Variants in SULF2 observed in about 807,000 individuals in gnomAD.
SULF2 encodes extracellular sulfatase Sulf-2.
A neutral mutation model predicts 107.7 loss-of-function variants in SULF2; 52 were observed. The ratio of observed to expected loss-of-function variants is 0.48; its 90% CI spans 0.39 to 0.61. The LOEUF (loss-of-function observed/expected upper bound fraction) is 0.61. Among genes scored for constraint, SULF2 ranks in the 20% least tolerant of loss-of-function variants. The pLI, the probability that SULF2 is intolerant of heterozygous loss-of-function variation, is 0.00. For missense variants in SULF2, 993 were observed against 1,177.3 expected (o/e 0.84, Z 2.29); for synonymous variants, 460 against 464.3 (o/e 0.99, Z 0.12).
intron 2 of SULF2, among the ~76,000 whole-genome samples, chr20:47,750,906 C>G (rs2090145094): frequency 2.6e-5 from 4 of 152,228 alleles, no homozygotes; most frequent in African/African-American, 9.6e-5. Flanking sequence ...TCCTTACCTT[C>G]TTTGCTCAGA....
intron 7 of SULF2, among the ~76,000 whole-genome samples, chr20:47,679,098 C>T (rs1568804648): frequency 6.6e-6 from 1 of 150,812 alleles, no homozygotes; most frequent in Non-Finnish European, 1.5e-5. Context: ...TGAGTGAAGG[C>T]GACCCCCCCT....
chr20:47,760,412 C>A (rs1342098519), intron 1 of SULF2, among the ~76,000 whole-genome samples: 1 of 152,112 alleles, frequency 6.6e-6, no homozygotes, highest in Non-Finnish European at 1.5e-5. Context: ...CAGCTCCTGC[C>A]TGGGGCCCCT....
At position 47,690,303 on chromosome 20, in the gene SULF2, G is replaced by T. The variant is rs755220853; in HGVS notation, c.568-8C>A. 35 of 1,459,440 alleles carry T rather than the reference G, an allele frequency of 2.4e-5. No individual in the cohort carries two copies. The highest frequency in any genetic ancestry group is 3.0e-5 in the South Asian group (2 of 66,574). The allele number at this position is 1,459,440 out of a possible 1,614,324, so 90.4% of individuals were successfully genotyped here. On this transcript the variant is annotated splice_polypyrimidine_tract_variant and splice_region_variant and intron_variant, in intron 4 of 20. Transcript: ENST00000688720. ...GAGGTCTGTGAGGTAATCCTGGGGG[G>T]TGGGGAGAGACAGGAGAACAGGTGA...
chr20:47,735,896 C>G (rs1332582460), intron 3 of SULF2, among the ~76,000 whole-genome samples: 1 of 152,218 alleles, frequency 6.6e-6, no homozygotes, highest in Non-Finnish European at 1.5e-5. Flanking sequence ...CCCACCCAAA[C>G]AAACCCCTTG....
At chr20:47,725,983 C>G (rs1355976438) in intron 3 of SULF2, among the ~76,000 whole-genome samples, 1 of 152,126 alleles carries the variant, frequency 6.6e-6, no homozygotes, top group Non-Finnish European at 1.5e-5. Context: ...GTCCTGAGAC[C>G]CTGACCCGAG....
chr20:47,727,102 G>A (rs1197975388), intron 3 of SULF2, among the ~76,000 whole-genome samples: 4 of 152,060 alleles, frequency 2.6e-5, no homozygotes, highest in African/African-American at 7.3e-5. Context: ...CAGCCGTCAC[G>A]AGATGAATGT....
chr20:47,682,933 G>T, intron 7 of SULF2, 61 bp downstream of exon 7: 1 of 1,491,366 alleles, frequency 6.7e-7, no homozygotes, highest in Non-Finnish European at 9.0e-7. Context: ...TGGGCTGCAT[G>T]GTTGAAGCCC....
At chr20:47,733,130 G>GATAGCTCAA (rs2089653045) in intron 3 of SULF2, among the ~76,000 whole-genome samples, 1 of 152,192 alleles carries the variant, frequency 6.6e-6, no homozygotes, top group South Asian at 2.1e-4. Flanking sequence ...GACGCTGGAA[G>GATAGCTCAA]ATAGCTCAAA....
chr20:47,768,853 C>T (rs1393430886), intron 1 of SULF2, among the ~76,000 whole-genome samples: 1 of 150,850 alleles, frequency 6.6e-6, no homozygotes, highest in Non-Finnish European at 1.5e-5. Context: ...TCTATTTACT[C>T]TCTGGCCTGA....
rs1346799956 is a variant in SULF2 at position 47,664,156 on chromosome 20, G to A, written c.2031C>T (p.His677=). 6.2e-7 allele frequency: 1 copy of A among 1,613,480 alleles called. No homozygotes were observed. The highest frequency in any genetic ancestry group is 8.5e-7 in the Non-Finnish European group (1 of 1,179,846). The stretch of plus-strand genomic sequence containing the variant: ...TGAAAGGATGCAGACTGGAGCCTCT[G>A]TGCTTGAGGCGGCCTTTGTGCTGGG... ...YHTQHKGRLK[H]RGSSLHPFRK... The change falls in exon 15 of 21, where the codon CAC becomes CAT. Residue 677 remains histidine (H), a synonymous_variant. Transcript: ENST00000688720.
intron 4 of SULF2, among the ~76,000 whole-genome samples, chr20:47,701,119 T>C (rs1391684215): frequency 6.6e-6 from 1 of 152,184 alleles, no homozygotes; most frequent in Non-Finnish European, 1.5e-5. Context: ...GTTGAATGAA[T>C]AAATAATACA....
chr20:47,705,542 G>C (rs946009945), intron 3 of SULF2, among the ~76,000 whole-genome samples: 28 of 152,164 alleles, frequency 1.8e-4, no homozygotes, highest in African/African-American at 6.8e-4. Context: ...TGGAATGTTG[G>C]AGATGCCTCA....
chr20:47,774,319 C>A (rs1218103775), intron 1 of SULF2, among the ~76,000 whole-genome samples: 3 of 152,248 alleles, frequency 2.0e-5, no homozygotes, highest in African/African-American at 4.8e-5. Context: ...GCTGCGGGGA[C>A]TCACTGGGTG....
chr20:47,665,970 A>G lies in SULF2; in HGVS notation c.1806-17T>C, dbSNP rs745364122. ...ATGTAGCACCTGCTTGAGAGAAGGG[A>G]TCACGTGTGGCTCGGAGGTGGTGGA... On this transcript the variant is annotated splice_polypyrimidine_tract_variant and intron_variant, in intron 12 of 20. Transcript: ENST00000688720. 6.2e-7 allele frequency: 1 copy of G among 1,612,502 alleles called. No individual in the cohort carries two copies. Among genetic ancestry groups the G allele is most frequent in the Non-Finnish European group, 8.5e-7 (1 of 1,178,590 alleles).
intron 3 of SULF2, among the ~76,000 whole-genome samples, chr20:47,728,844 C>T (rs1472262572): frequency 6.6e-6 from 1 of 152,186 alleles, no homozygotes; most frequent in East Asian, 1.9e-4. Context: ...TGGGGTTTCA[C>T]CATGTTGGCT....
intron 3 of SULF2, among the ~76,000 whole-genome samples, chr20:47,713,610 C>T (rs561230211): frequency 4.0e-5 from 6 of 151,840 alleles, no homozygotes; most frequent in Middle Eastern, 3.4e-3. Context: ...AAGGGCCAGG[C>T]GTGGTGGCTC....
In SULF2 at chr20:47,659,384, G is replaced by A; in HGVS notation, c.2582+15C>T. 6.2e-7 allele frequency: 1 copy of A among 1,613,276 alleles called. No homozygotes were observed. Among genetic ancestry groups the A allele is most frequent in the Non-Finnish European group, 8.5e-7 (1 of 1,179,286 alleles). On this transcript the variant is annotated intron_variant, in intron 20 of 20. Transcript: ENST00000688720. ...AGAACCAGATTTCTATTTGTAAGCT[G>A]GTTCCTCAACTCACAGTGATTTGGA...
In SULF2 at chr20:47,690,224, G is replaced by C; in HGVS notation, c.639C>G (p.His213Gln). The C allele has an allele frequency of 6.3e-7, 1 of 1,575,090 alleles. No individual in the cohort carries two copies. The highest frequency in any genetic ancestry group is 2.4e-5 in the East Asian group (1 of 42,226). ...FFRTSKKMYP[H>Q]RPVLMVISHA... ...GGCTGATGACCATGAGGACTGGCCT[G>C]TGCGGGTACATCTTCTTGGACGTGC... The change falls in exon 5 of 21, where the codon CAC (histidine) becomes CAG (glutamine). Residue 213 changes from histidine (H) to glutamine (Q), a missense_variant. His to Gln is a conservative substitution (Grantham distance 24). This residue lies in a region of SULF2 where 388 missense variants were observed against 449.2 expected (regional missense o/e 0.86). Coordinates refer to ENST00000688720, the MANE Select transcript of SULF2 (RefSeq NM_001387048.1).
At chr20:47,773,942 G>T (rs1054578077) in intron 1 of SULF2, among the ~76,000 whole-genome samples, 2 of 152,226 alleles carry the variant, frequency 1.3e-5, no homozygotes, top group African/African-American at 4.8e-5. Context: ...TTGACGGCTT[G>T]GTATTAATAA....
Sources: gnomAD v4.1 joint callset for allele counts (sites outside exome capture counted in the v4.1 genomes callset) on GRCh38, gnomAD v4.1.1 for gene constraint, gnomAD v4.1.1 regional missense constraint, MANE v1.5 for transcripts, NCBI Gene and HGNC (gene_info 2026-07-23, HGNC 2026-07-21) for gene names.